The following KCMF1 variants were observed in gnomAD, a reference collection of about 807,000 sequenced individuals.
The protein encoded by KCMF1 is E3 ubiquitin-protein ligase KCMF1.
In KCMF1, 3 loss-of-function variants were observed where a neutral mutation model predicts 41.1. The observed-to-expected ratio is 0.07, with a 90% CI of 0.03 to 0.19. The LOEUF is 0.19. KCMF1 is among the 10% of genes least tolerant of loss of function. The pLI, the probability that KCMF1 is intolerant of heterozygous loss-of-function variation, is 1.00. For missense variants in KCMF1, 286 were observed against 488.9 expected (o/e 0.58, Z 3.91); for synonymous variants, 142 against 164.5 (o/e 0.86, Z 1.04).
chr2:85,032,374 A>T (rs1340272431), intron 2 of KCMF1, among the ~76,000 whole-genome samples: 2 of 144,786 alleles, frequency 1.4e-5, no homozygotes, highest in African/African-American at 5.3e-5. Flanking sequence ...TTTTATTTTT[A>T]TTTTATTTTA....
At position 85,046,209 on chromosome 2, in the gene KCMF1, A is replaced by G. The variant is rs754577084; in HGVS notation, c.532A>G (p.Thr178Ala). Reference sequence around the variant, plus strand: ...AAACATGCACTTTACTAGCAGTTCTACTGGTGGACTTTCTTCTTCTCAGAG... The same window carrying G: ...AAACATGCACTTTACTAGCAGTTCTGCTGGTGGACTTTCTTCTTCTCAGAG... ...RSNMHFTSSS[T>A]GGLSSSQSSY... The change falls in exon 5 of 7, where the codon ACT becomes GCT. Residue 178 changes from threonine (T) to alanine (A), a missense_variant. Thr to Ala is a moderately conservative substitution (Grantham distance 58). Coordinates refer to ENST00000409785, the MANE Select transcript of KCMF1 (RefSeq NM_020122.5). 27 of 1,613,234 alleles carry G rather than the reference A, an allele frequency of 1.7e-5. No individual in the cohort carries two copies. The highest frequency in any genetic ancestry group is 2.3e-5 in the Non-Finnish European group (27 of 1,179,566).
At chr2:84,990,105 C>T (rs1404413497) in intron 1 of KCMF1, among the ~76,000 whole-genome samples, 2 of 152,132 alleles carry the variant, frequency 1.3e-5, no homozygotes, top group South Asian at 2.1e-4. Context: ...TAAGGAATGC[C>T]GTGTTCATTG....
chr2:84,985,382 CTCTAAGAACATT>C (rs1435842786), intron 1 of KCMF1, among the ~76,000 whole-genome samples: 1 of 152,022 alleles, frequency 6.6e-6, no homozygotes, highest in African/African-American at 2.4e-5. Flanking sequence ...TCCCAAACAT[CTCTAAGAACATT>C]TCTTTACAAA....
At chr2:84,978,118 C>T (rs892744958) in intron 1 of KCMF1, among the ~76,000 whole-genome samples, 6 of 151,832 alleles carry the variant, frequency 4.0e-5, no homozygotes, top group Admixed American at 3.3e-4. Flanking sequence ...CTGCCTCAGC[C>T]TCTCGAGTAG....
chr2:84,982,419 T>TTTTTTTTC, intron 1 of KCMF1, among the ~76,000 whole-genome samples: 1 of 127,928 alleles, frequency 7.8e-6, no homozygotes, highest in Non-Finnish European at 1.6e-5. Context: ...TTTTTTTTTT[T>TTTTTTTTC]TTTGAGCCAG....
chr2:84,999,017 CCCAT>C (rs1392445952), intron 1 of KCMF1, among the ~76,000 whole-genome samples: 1 of 120,680 alleles, frequency 8.3e-6, no homozygotes, highest in Non-Finnish European at 1.7e-5. Flanking sequence ...CACCCACCCA[CCCAT>C]CCATCCATCC....
At chr2:85,010,245 G>A (rs989771056) in intron 1 of KCMF1, among the ~76,000 whole-genome samples, 1 of 152,148 alleles carries the variant, frequency 6.6e-6, no homozygotes, top group Admixed American at 6.5e-5. Context: ...GCTGAGGTGG[G>A]ATCAGTTTAG....
chr2:84,992,221 G>A (rs1487377874), intron 1 of KCMF1, among the ~76,000 whole-genome samples: 1 of 152,174 alleles, frequency 6.6e-6, no homozygotes, highest in Admixed American at 6.5e-5. Context: ...AATGTTTGGA[G>A]TAGTGCCTGG....
chr2:85,025,481 C>G (rs1305428840), intron 1 of KCMF1, among the ~76,000 whole-genome samples: 7 of 152,184 alleles, frequency 4.6e-5, no homozygotes, highest in Non-Finnish European at 8.8e-5. Context: ...CTTCCATTAT[C>G]CCAAACTTGA....
intron 1 of KCMF1, among the ~76,000 whole-genome samples, chr2:84,993,802 C>T (rs1377612916): frequency 1.3e-5 from 2 of 152,008 alleles, no homozygotes; most frequent in African/African-American, 4.8e-5. Context: ...TCTCAAACTC[C>T]TGACCTCAAG....
chr2:85,017,149 C>T (rs980829113), intron 1 of KCMF1, among the ~76,000 whole-genome samples: 2 of 151,518 alleles, frequency 1.3e-5, no homozygotes, highest in Non-Finnish European at 3.0e-5. Context: ...CTCAGCCTCC[C>T]GAGTAGCTGG....
At chr2:85,020,965 G>T (rs1225103732) in intron 1 of KCMF1, among the ~76,000 whole-genome samples, 1 of 152,058 alleles carries the variant, frequency 6.6e-6, no homozygotes, top group East Asian at 1.9e-4. Context: ...GACCTCCTGG[G>T]CTGAAGCAAT....
chr2:85,056,154 A>G lies in KCMF1; in HGVS notation c.*2745A>G, dbSNP rs1675923975. ...CACAGAAGTAGAACCTAGGTTTGCTACTAACAAAGTAGTGGATTCTTATAA... is the reference window on the plus strand; with the variant it reads ...CACAGAAGTAGAACCTAGGTTTGCTGCTAACAAAGTAGTGGATTCTTATAA... On this transcript the variant is annotated 3_prime_UTR_variant, in exon 7 of 7. Coordinates refer to ENST00000409785, the MANE Select transcript of KCMF1 (RefSeq NM_020122.5). The G allele has an allele frequency of 6.6e-6, 1 of 152,048 alleles. No individual in the cohort carries two copies. The highest frequency in any genetic ancestry group is 6.5e-5 in the Admixed American group (1 of 15,268). The allele number at this position is 152,048 out of a possible 1,614,324, so 9.4% of individuals were successfully genotyped here. A position where few individuals can be genotyped will look rare whatever the true frequency, so the allele number is the denominator to read the frequency against.
At chr2:85,030,267 AT>A (rs1181025144) in intron 2 of KCMF1, among the ~76,000 whole-genome samples, 1 of 144,496 alleles carries the variant, frequency 6.9e-6, no homozygotes, top group Non-Finnish European at 1.5e-5. Flanking sequence ...ATTTGCAAAA[AT>A]TTTCTCCCAT....
intron 1 of KCMF1, among the ~76,000 whole-genome samples, chr2:85,014,635 A>T (rs1389236714): frequency 6.7e-6 from 1 of 149,578 alleles, no homozygotes; most frequent in African/African-American, 2.5e-5. Flanking sequence ...AAAACAGAGC[A>T]GTTTCTATCT....
At chr2:85,027,036 AAC>A (rs1277825783) in intron 1 of KCMF1, among the ~76,000 whole-genome samples, 1 of 152,182 alleles carries the variant, frequency 6.6e-6, no homozygotes, top group Non-Finnish European at 1.5e-5. Flanking sequence ...TTGGGCTATA[AAC>A]CCATGAGGAC....
intron 1 of KCMF1, among the ~76,000 whole-genome samples, chr2:85,016,740 T>A (rs1674778739): frequency 6.6e-6 from 1 of 151,650 alleles, no homozygotes; most frequent in Non-Finnish European, 1.5e-5. Flanking sequence ...TCACTCAGGC[T>A]GGAGCACATT....
intron 1 of KCMF1, among the ~76,000 whole-genome samples, chr2:85,019,638 A>G (rs576336621): frequency 3.3e-5 from 5 of 152,200 alleles, no homozygotes; most frequent in African/African-American, 9.6e-5. Context: ...CCTCTGTAGC[A>G]TGCCTGCCAC....
At chr2:85,042,412 C>T (rs1675560862) in intron 3 of KCMF1, among the ~76,000 whole-genome samples, 1 of 152,182 alleles carries the variant, frequency 6.6e-6, no homozygotes, top group South Asian at 2.1e-4. Context: ...TCCATCTCCC[C>T]TCATCTCCAG....
Sources: allele counts gnomAD v4.1 joint callset (sites outside exome capture counted in the v4.1 genomes callset), GRCh38; gene constraint gnomAD v4.1.1; transcripts MANE v1.5; gene names NCBI Gene and HGNC (gene_info 2026-07-23, HGNC 2026-07-21).